DNAJB1: variants seen among roughly 807,000 people sequenced by gnomAD.
DNAJB1 encodes the protein DnaJ heat shock protein family (Hsp40) member B1.
In DNAJB1, 14 loss-of-function variants were observed where a neutral mutation model predicts 24.0. The observed-to-expected ratio is 0.58, with a 90% confidence interval of 0.39 to 0.91. The LOEUF is 0.91. DNAJB1 is among the 40% of genes least tolerant of loss of function. DNAJB1 has a pLI of 0.00. For missense variants in DNAJB1, 517 were observed against 458.1 expected, an observed-to-expected ratio of 1.13 and a Z score of -1.17; for synonymous variants, 262 against 174.4, an observed-to-expected ratio of 1.50 and a Z score of -3.96.
In DNAJB1 at chr19:14,525,925, G is replaced by A. The variant is rs1337155304; in HGVS notation, c.-90+1801C>T. On this transcript the variant is annotated intron_variant, in intron 2 of 3. Coordinates refer to the DNAJB1 transcript ENST00000396969. ...TTGCTAACGAGCCCTGGCTTGTCTA[G>A]TCCCAGCTTCACCTCCCCTCACACA... is the stretch of plus-strand genomic sequence containing the variant. Among the ~76,000 whole-genome samples, 3 of 152,198 alleles carry A rather than the reference G, an allele frequency of 2.0e-5. No individual in the cohort carries two copies. In the East Asian group the frequency reaches 5.8e-4, roughly 29 times the overall value.
intron 2 of DNAJB1, 107 bp from the exon 3 acceptor site, chr19:14,516,277 G>A (rs1398483412): frequency 1.5e-6 from 2 of 1,368,730 alleles, no homozygotes; most frequent in African/African-American, 2.9e-5. Flanking sequence ...CTGCAGCTAA[G>A]ACCTGGCCCC....
chr19:14,533,056 G>A (rs868553836), upstream of DNAJB1, among the ~76,000 whole-genome samples: 2 of 152,054 alleles, frequency 1.3e-5, no homozygotes, highest in East Asian at 3.9e-4. Flanking sequence ...GAGTTGCCAT[G>A]AGCTGAGATC....
At position 14,518,363 on chromosome 19, in the gene DNAJB1, G is replaced by T. The variant is rs543051736; in HGVS notation, c.-14C>A. 3.9e-6 allele frequency: 6 copies of T among 1,539,832 alleles called. No individual in the cohort carries two copies. The highest frequency in any genetic ancestry group is 1.2e-5 in the South Asian group (1 of 82,340). ...GTCTTTACCCATGACCCCCTCCTGC[G>T]GCCCGCCGACCCGCTGTCGCCGTCC... On this transcript the variant is annotated 5_prime_UTR_variant, in exon 1 of 3. Transcript: ENST00000254322.
chr19:14,520,683 C>G (rs902802075), upstream of DNAJB1, among the ~76,000 whole-genome samples: 55 of 152,196 alleles, frequency 3.6e-4, no homozygotes, highest in African/African-American at 1.3e-3. Context: ...GGAGAGAGAA[C>G]TTGATATTTT....
intron 2 of DNAJB1, among the ~76,000 whole-genome samples, chr19:14,525,875 C>G (rs1163487877): frequency 1.3e-5 from 2 of 151,950 alleles, no homozygotes; most frequent in African/African-American, 4.8e-5. Flanking sequence ...AAACCTCTCT[C>G]TGGGATTCCT....
chr19:14,550,325 G>A (rs1006855833), exon 1 of DNAJB1, among the ~76,000 whole-genome samples: 4 of 152,164 alleles, frequency 2.6e-5, no homozygotes, highest in African/African-American at 9.6e-5. Context: ...TATAAAGCCT[G>A]CCACGTAGAT....
chr19:14,549,563 G>C (rs1456689673), intron 1 of DNAJB1, among the ~76,000 whole-genome samples: 2 of 152,034 alleles, frequency 1.3e-5, no homozygotes, highest in Non-Finnish European at 2.9e-5. Context: ...TTGGGCTCAA[G>C]TGATCCTCCT....
upstream of DNAJB1, among the ~76,000 whole-genome samples, chr19:14,553,394 C>T (rs1399864578): frequency 1.3e-5 from 2 of 152,066 alleles, no homozygotes; most frequent in Non-Finnish European, 2.9e-5. Context: ...CAGCCACTCT[C>T]AGCCCTTCCT....
At chr19:14,519,038 GC>G (rs1255348300), upstream of DNAJB1, among the ~76,000 whole-genome samples, 1 of 152,168 alleles carries the variant, frequency 6.6e-6, no homozygotes, top group Non-Finnish European at 1.5e-5. Context: ...TTGGAGACCA[GC>G]CTAGGCAACA....
At chr19:14,526,933 A>T (rs1480280731) in intron 2 of DNAJB1, among the ~76,000 whole-genome samples, 1 of 152,006 alleles carries the variant, frequency 6.6e-6, no homozygotes, top group Non-Finnish European at 1.5e-5. Context: ...GCCGAGTGGG[A>T]TGGCTCATGC....
rs752560576 is a variant in DNAJB1, at chr19:14,516,194, T to C, written c.793-24A>G. The C allele has an allele frequency of 2.5e-6, 4 of 1,612,170 alleles. No individual in the cohort carries two copies. In the Admixed American group the frequency reaches 5.0e-5, roughly 20 times the overall value. ...GCCTTGAAAAGCAAAAGGACAGCAT[T>C]AGATGGAAGCTGGCTCAAGAGGCTC... On this transcript the variant is annotated intron_variant, in intron 2 of 2. Coordinates refer to ENST00000254322, the MANE Select transcript of DNAJB1 (RefSeq NM_006145.3).
At chr19:14,529,791 T>A, upstream of DNAJB1, 1 of 1,596,960 alleles carries the variant, frequency 6.3e-7, no homozygotes, top group Non-Finnish European at 8.6e-7. Context: ...GGGACCCCAC[T>A]TTCTGGTCCT....
At chr19:14,555,510 A>G (rs1290328987) in intron 1 of DNAJB1, among the ~76,000 whole-genome samples, 6 of 139,930 alleles carry the variant, frequency 4.3e-5, no homozygotes, top group Non-Finnish European at 1.5e-5. Flanking sequence ...CAGTGGTGCA[A>G]TCTTGGCTCA....
upstream of DNAJB1, among the ~76,000 whole-genome samples, chr19:14,519,132 C>A (rs936761553): frequency 6.6e-6 from 1 of 152,180 alleles, no homozygotes; most frequent in African/African-American, 2.4e-5. Context: ...TTTTGGGAGG[C>A]CGAGGCGGGC....
At chr19:14,560,175 T>C (rs1374004226) in exon 1 of DNAJB1, among the ~76,000 whole-genome samples, 1 of 152,194 alleles carries the variant, frequency 6.6e-6, no homozygotes, top group African/African-American at 2.4e-5. Context: ...GGGACCCCGA[T>C]GGCCGTACTC....
At chr19:14,556,163 C>T (rs1191141156) in intron 1 of DNAJB1, among the ~76,000 whole-genome samples, 1 of 152,210 alleles carries the variant, frequency 6.6e-6, no homozygotes, top group East Asian at 1.9e-4. Context: ...ACTCACTCTG[C>T]TCAGGCCACA....
upstream of DNAJB1, among the ~76,000 whole-genome samples, chr19:14,522,689 C>CAG (rs200824112): frequency 0.23 from 20,737 of 88,256 alleles, 1,608 homozygotes; most frequent in Middle Eastern, 0.36. Context: ...CACAGACACA[C>CAG]ACACACACAC....
chr19:14,557,998 G>T (rs368887696), intron 1 of DNAJB1, among the ~76,000 whole-genome samples: 1 of 151,922 alleles, frequency 6.6e-6, no homozygotes, highest in South Asian at 2.1e-4. Context: ...CTCGTGATTC[G>T]CCCGCCTCGG....
chr19:14,538,304 G>T (rs1265696056), intron 1 of DNAJB1, among the ~76,000 whole-genome samples: 1 of 152,096 alleles, frequency 6.6e-6, no homozygotes, highest in Non-Finnish European at 1.5e-5. Context: ...TTGGGACAGT[G>T]ACTTAACCTA....
Sources: allele counts gnomAD v4.1 joint callset (sites outside exome capture counted in the v4.1 genomes callset), GRCh38; gene constraint gnomAD v4.1.1; transcripts MANE v1.5; gene names NCBI Gene and HGNC (gene_info 2026-07-23, HGNC 2026-07-21).